KCNH7: variants seen among roughly 807,000 people sequenced by gnomAD.
The protein encoded by KCNH7 is potassium voltage-gated channel subfamily H member 7, also known as voltage-gated inwardly rectifying potassium channel KCNH7.
A neutral mutation model predicts 120.8 loss-of-function variants in KCNH7; 49 were observed. That is an observed-to-expected ratio of 0.41 (90% CI 0.32 to 0.51). KCNH7 has a LOEUF of 0.51. Ranked by LOEUF, KCNH7 falls within the 20% of genes least tolerant of loss-of-function variation. The pLI is 0.38. For synonymous variants in KCNH7, 547 were observed against 516.1 expected (o/e 1.06, Z -0.81); for missense variants, 1,097 against 1,446.6 (o/e 0.76, Z 3.92).
intron 2 of KCNH7, among the ~76,000 whole-genome samples, chr2:162,679,130 T>C (rs1359044646): frequency 6.6e-6 from 1 of 151,536 alleles, no homozygotes; most frequent in Non-Finnish European, 1.5e-5. Flanking sequence ...GTGACTCTTT[T>C]TAGCAAAATT....
intron 9 of KCNH7, among the ~76,000 whole-genome samples, chr2:162,408,537 C>A (rs1687296625): frequency 6.6e-6 from 1 of 151,930 alleles, no homozygotes. Context: ...GTGTGTGCTC[C>A]AAACCTATTT....
At chr2:162,482,546 A>G (rs922649241) in intron 6 of KCNH7, among the ~76,000 whole-genome samples, 9 of 152,150 alleles carry the variant, frequency 5.9e-5, no homozygotes, top group Non-Finnish European at 1.3e-4. Flanking sequence ...CTGTTACAAT[A>G]TAAAAGTTTT....
Position 162,388,212 on chromosome 2 carries a change from G to A in KCNH7, c.2711-3273C>T, listed in dbSNP as rs369040736. On this transcript the variant is annotated intron_variant, in intron 12 of 15. Transcript: ENST00000332142. ...ATTTAAAAAATTAAAATAAAGAAAA[G>A]ATGGATATTGGTTTAAAGGTAAAAA... 3.6e-4 allele frequency among the ~76,000 whole-genome samples: 54 copies of A among 151,862 alleles called. No individual in the cohort carries two copies. In the South Asian group the frequency reaches 0.011, roughly 30 times the overall value.
chr2:162,526,000 C>T (rs1370167595), intron 3 of KCNH7, among the ~76,000 whole-genome samples: 1 of 151,938 alleles, frequency 6.6e-6, no homozygotes, highest in Non-Finnish European at 1.5e-5. Context: ...CCCAATATTT[C>T]ACATAGATTC....
chr2:162,662,086 AC>A (rs1684982557), intron 2 of KCNH7, among the ~76,000 whole-genome samples: 1 of 151,674 alleles, frequency 6.6e-6, no homozygotes, highest in African/African-American at 2.4e-5. Flanking sequence ...AGATGGTGAA[AC>A]CCCGTCTCTA....
chr2:162,692,832 T>G (rs374051439), intron 2 of KCNH7, among the ~76,000 whole-genome samples: 1 of 152,022 alleles, frequency 6.6e-6, no homozygotes, highest in African/African-American at 2.4e-5. Context: ...CCAATAAAAG[T>G]AAGCATCATA....
intron 2 of KCNH7, among the ~76,000 whole-genome samples, chr2:162,658,611 T>A (rs1002769927): frequency 1.3e-5 from 2 of 152,160 alleles, no homozygotes; most frequent in Non-Finnish European, 2.9e-5. Context: ...GAACATGGGG[T>A]TTCTCTTCGT....
At chr2:162,760,268 CA>C (rs1474026331) in intron 2 of KCNH7, among the ~76,000 whole-genome samples, 4 of 152,010 alleles carry the variant, frequency 2.6e-5, no homozygotes, top group Non-Finnish European at 5.9e-5. Flanking sequence ...AAACAAAAAA[CA>C]ATACTTTGCT....
chr2:162,646,379 CT>C (rs1234547696), intron 2 of KCNH7, among the ~76,000 whole-genome samples: 1 of 152,158 alleles, frequency 6.6e-6, no homozygotes, highest in Non-Finnish European at 1.5e-5. Flanking sequence ...TTACTGCTTT[CT>C]CTTTCTATTC....
chr2:162,678,916 T>A (rs1337906839), intron 2 of KCNH7, among the ~76,000 whole-genome samples: 2 of 151,668 alleles, frequency 1.3e-5, no homozygotes, highest in Non-Finnish European at 3.0e-5. Context: ...TACATATTTA[T>A]ACCTAAAATT....
intron 6 of KCNH7, among the ~76,000 whole-genome samples, chr2:162,469,541 T>A (rs747330912): frequency 2.0e-5 from 3 of 152,212 alleles, no homozygotes; most frequent in Non-Finnish European, 4.4e-5. Flanking sequence ...TTGTTTGTTT[T>A]CAGTTGGAAA....
intron 2 of KCNH7, among the ~76,000 whole-genome samples, chr2:162,751,275 C>CTATATTATTATA (rs1320903878): frequency 6.6e-6 from 1 of 152,104 alleles, no homozygotes; most frequent in Non-Finnish European, 1.5e-5. Context: ...CACCAAAGTA[C>CTATATTATTATA]TATATTATTA....
intron 2 of KCNH7, among the ~76,000 whole-genome samples, chr2:162,672,243 G>A (rs1455524433): frequency 2.6e-5 from 4 of 151,956 alleles, no homozygotes; most frequent in Non-Finnish European, 5.9e-5. Context: ...TTTACAAAAG[G>A]TGGCTAAATA....
intron 2 of KCNH7, among the ~76,000 whole-genome samples, chr2:162,605,274 A>T (rs936952589): frequency 2.0e-5 from 3 of 152,090 alleles, no homozygotes; most frequent in Non-Finnish European, 4.4e-5. Context: ...TACCTAAATT[A>T]CTACTAGGTT....
intron 2 of KCNH7, among the ~76,000 whole-genome samples, chr2:162,824,445 A>G (rs1685217937): frequency 6.6e-6 from 1 of 152,082 alleles, no homozygotes; most frequent in African/African-American, 2.4e-5. Flanking sequence ...GCAATCTGGG[A>G]ATCCATAAAT....
At chr2:162,791,240 T>C (rs1683930057) in intron 2 of KCNH7, among the ~76,000 whole-genome samples, 1 of 152,156 alleles carries the variant, frequency 6.6e-6, no homozygotes, top group Admixed American at 6.6e-5. Flanking sequence ...TTGCTTAGGA[T>C]TGCCTTGTCT....
intron 12 of KCNH7, among the ~76,000 whole-genome samples, chr2:162,388,680 A>G (rs1333828486): frequency 6.6e-6 from 1 of 151,964 alleles, no homozygotes; most frequent in African/African-American, 2.4e-5. Context: ...TCACTATTCT[A>G]TAAAAATAAG....
intron 2 of KCNH7, among the ~76,000 whole-genome samples, chr2:162,681,869 A>G (rs1053798839): frequency 6.7e-6 from 1 of 149,610 alleles, no homozygotes; most frequent in Non-Finnish European, 1.5e-5. Flanking sequence ...TCCTATATGC[A>G]TTTGGAAGAC....
chr2:162,626,322 A>C (rs2105206782), intron 2 of KCNH7, among the ~76,000 whole-genome samples: 1 of 152,274 alleles, frequency 6.6e-6, no homozygotes, highest in African/African-American at 2.4e-5. Context: ...AACATCTTAT[A>C]ACCATTTTAA....
Sources: allele counts gnomAD v4.1 joint callset (sites outside exome capture counted in the v4.1 genomes callset), GRCh38; gene constraint gnomAD v4.1.1; transcripts MANE v1.5; gene names NCBI Gene and HGNC (gene_info 2026-07-23, HGNC 2026-07-21).